Variants in SERAC1 observed in about 807,000 individuals in gnomAD.
SERAC1 encodes serine active site containing 1, also known as protein SERAC1.
Under a neutral mutation model 85.7 loss-of-function variants are expected in SERAC1, and 36 were observed. The observed-to-expected ratio is 0.42, with a 90% CI of 0.32 to 0.55. SERAC1 has a LOEUF of 0.55. Among genes scored for constraint, SERAC1 ranks in the 20% least tolerant of loss-of-function variants. The pLI is 0.11. For synonymous variants in SERAC1, 242 were observed against 265.3 expected (o/e 0.91, Z 0.85); for missense variants, 629 against 796.2 (o/e 0.79, Z 2.53).
chr6:158,150,423 TCA>T (rs1362439190), intron 4 of SERAC1, 28 bp downstream of exon 4: 2 of 1,515,760 alleles, frequency 1.3e-6, no homozygotes, highest in Non-Finnish European at 9.1e-7. Flanking sequence ...CTTCCATTTT[TCA>T]CAGAGGATTA....
At chr6:158,157,763 T>C (rs1348949630) in intron 2 of SERAC1, among the ~76,000 whole-genome samples, 1 of 152,222 alleles carries the variant, frequency 6.6e-6, no homozygotes, top group Admixed American at 6.5e-5. Flanking sequence ...TCACAGAGTT[T>C]ACAGCATATG....
intron 9 of SERAC1, among the ~76,000 whole-genome samples, chr6:158,128,957 C>T (rs1784606966): frequency 6.6e-6 from 1 of 152,178 alleles, no homozygotes; most frequent in Non-Finnish European, 1.5e-5. Flanking sequence ...TTTGCCTCTT[C>T]CCATCACTAG....
At position 158,146,772 on chromosome 6, in the gene SERAC1, G is replaced by C; in HGVS notation, c.487+10C>G. On this transcript the variant is annotated intron_variant, in intron 6 of 16. Transcript: ENST00000647468. ...TGAAGGCATGCCACCTGTTCAGGTA[G>C]TCTCATTACCATGCCAGTGATGGGT... The C allele has an allele frequency of 6.2e-7, 1 of 1,613,128 alleles. No homozygotes were observed. Among genetic ancestry groups the C allele is most frequent in the Non-Finnish European group, 8.5e-7 (1 of 1,179,368 alleles).
intron 8 of SERAC1, 88 bp from the exon 9 acceptor site, chr6:158,130,574 A>G (rs1784650729): frequency 1.3e-6 from 1 of 760,160 alleles, no homozygotes; most frequent in Non-Finnish European, 2.1e-6. Flanking sequence ...GTACTAATAG[A>G]TGGTGTTAGA....
chr6:158,113,060 C>T (rs981078767), intron 16 of SERAC1: 21 of 231,200 alleles, frequency 9.1e-5, no homozygotes, highest in East Asian at 1.7e-4. Flanking sequence ...CTTCTATTTA[C>T]GAAAGCTTCC....
In SERAC1 at chr6:158,130,417, T is replaced by C. The variant is rs1784647003; in HGVS notation, c.808A>G (p.Thr270Ala). 1.9e-6 allele frequency: 3 copies of C among 1,603,258 alleles called. No individual in the cohort carries two copies. The Admixed American group carries it at 5.2e-5, about 28-fold the overall frequency. ...GCTTCTAAACAGAACATTTCCACTGTTGCTGAAGGAACTTCTCCAAAACTT... is the reference window on the plus strand; with the variant it reads ...GCTTCTAAACAGAACATTTCCACTGCTGCTGAAGGAACTTCTCCAAAACTT... ...AESFGEVPSA[T>A]VEMFCLEAIV... The change falls in exon 9 of 17, where the codon ACA (threonine) becomes GCA (alanine). Residue 270 changes from threonine to alanine, a missense_variant. Coordinates refer to ENST00000647468, the MANE Select transcript of SERAC1 (RefSeq NM_032861.4).
At chr6:158,146,705 TG>T in intron 6 of SERAC1, 76 bp downstream of exon 6, 1 of 1,576,922 alleles carries the variant, frequency 6.3e-7, no homozygotes, top group Non-Finnish European at 8.6e-7. Context: ...CCACCGCACC[TG>T]GCCACTCCCT....
At chr6:158,140,704 G>A (rs150955189) in intron 8 of SERAC1, among the ~76,000 whole-genome samples, 1 of 152,168 alleles carries the variant, frequency 6.6e-6, no homozygotes, top group Admixed American at 6.5e-5. Flanking sequence ...TATCTGAAGT[G>A]GGGGGCAGTC....
chr6:158,158,203 C>T, intron 2 of SERAC1, 70 bp downstream of exon 2: 1 of 1,141,216 alleles, frequency 8.8e-7, no homozygotes, highest in Non-Finnish European at 1.3e-6. Flanking sequence ...TTTTGTGGCC[C>T]ATCTTAGAAA....
At chr6:158,156,555 A>G (rs1785337361) in intron 2 of SERAC1, among the ~76,000 whole-genome samples, 1 of 151,770 alleles carries the variant, frequency 6.6e-6, no homozygotes, top group Non-Finnish European at 1.5e-5. Context: ...GAAGATTGCT[A>G]AACTGTAATT....
intron 10 of SERAC1, among the ~76,000 whole-genome samples, chr6:158,127,437 C>T (rs1435262859): frequency 0.023 from 386 of 16,544 alleles, no homozygotes; most frequent in Non-Finnish European, 0.041. Flanking sequence ...CTCTGCCCGG[C>T]CGCCCCTACT....
chr6:158,158,104 T>C (rs1313150366), intron 2 of SERAC1, among the ~76,000 whole-genome samples, 169 bp downstream of exon 2: 2 of 152,170 alleles, frequency 1.3e-5, no homozygotes, highest in African/African-American at 4.8e-5. Flanking sequence ...AAAAGGAGTA[T>C]GTATGGCTCT....
rs964524870 is a variant in SERAC1, at chr6:158,110,586, A to T, written c.*780T>A. On this transcript the variant is annotated 3_prime_UTR_variant, in exon 17 of 17. Transcript: ENST00000647468. Reference sequence around the variant, plus strand: ...AGAAGAAAGGTTTATTTAGCCAAAGAGAATCTGAGAATCTTGATACTAAGA... The same window carrying T: ...AGAAGAAAGGTTTATTTAGCCAAAGTGAATCTGAGAATCTTGATACTAAGA... 1.1e-4 allele frequency: 17 copies of T among 152,224 alleles called. 2 individuals are homozygous for T. 9.4% of individuals were successfully genotyped at this position (152,224 alleles called of 1,614,324 possible).
At chr6:158,133,283 A>T (rs1784719342) in intron 8 of SERAC1, among the ~76,000 whole-genome samples, 1 of 150,264 alleles carries the variant, frequency 6.7e-6, no homozygotes. Context: ...TGGGCAACAG[A>T]GTGAGACCCT....
At position 158,154,405 on chromosome 6, in the gene SERAC1, A is replaced by C. The variant is rs562384003; in HGVS notation, c.128+910T>G. On this transcript the variant is annotated intron_variant, in intron 3 of 16. Coordinates refer to ENST00000647468, the MANE Select transcript of SERAC1 (RefSeq NM_032861.4). ...TTGCCCAGAATGAGTCAAAGGGAAA[A>C]ATTATCTAAATATATTTTGCCTTAC... 3.9e-5 allele frequency among the ~76,000 whole-genome samples: 6 copies of C among 152,304 alleles called. No individual in the cohort carries two copies. In the South Asian group the frequency reaches 1.0e-3, roughly 26 times the overall value.
chr6:158,163,802 T>C (rs1012891519), intron 1 of SERAC1, among the ~76,000 whole-genome samples: 1 of 152,082 alleles, frequency 6.6e-6, no homozygotes, highest in Non-Finnish European at 1.5e-5. Context: ...AGTGGCCTGA[T>C]CTCAGCTCAC....
At chr6:158,114,479 G>GA (rs1208362941) in intron 15 of SERAC1, 13 of 1,130,758 alleles carry the variant, frequency 1.1e-5, no homozygotes, top group African/African-American at 3.2e-5. Flanking sequence ...ACTCATGGGG[G>GA]AAAAAAGCCA....
chr6:158,165,071 C>T (rs1785566257), intron 1 of SERAC1, among the ~76,000 whole-genome samples: 1 of 152,130 alleles, frequency 6.6e-6, no homozygotes, highest in African/African-American at 2.4e-5. Context: ...GGCTGCCTAC[C>T]TATGCAATTA....
At chr6:158,137,280 A>T (rs1451226998) in intron 8 of SERAC1, among the ~76,000 whole-genome samples, 1 of 152,124 alleles carries the variant, frequency 6.6e-6, no homozygotes, top group Non-Finnish European at 1.5e-5. Flanking sequence ...TTTAAAAAAA[A>T]AGAACAGGGA....
Sources: gnomAD v4.1 joint callset for allele counts (sites outside exome capture counted in the v4.1 genomes callset) on GRCh38, gnomAD v4.1.1 for gene constraint, MANE v1.5 for transcripts, NCBI Gene and HGNC (gene_info 2026-07-23, HGNC 2026-07-21) for gene names.